The following ZNF438 variants were observed in gnomAD, a reference collection of about 807,000 sequenced individuals.
The protein encoded by ZNF438 is zinc finger protein 438.
In ZNF438, 25 loss-of-function variants were observed where a neutral mutation model predicts 38.0. That is an observed-to-expected ratio of 0.66 (90% CI 0.48 to 0.92). The LOEUF (loss-of-function observed/expected upper bound fraction) is 0.92. Among genes scored for constraint, ZNF438 ranks in the 40% least tolerant of loss-of-function variants. The probability of loss-of-function intolerance (pLI) is 0.00; values close to 1 mark genes in which losing one functional copy is unlikely to be tolerated. For missense variants in ZNF438, 1,007 were observed against 999.6 expected (o/e 1.01, Z -0.10); for synonymous variants, 372 against 364.1 (o/e 1.02, Z -0.25).
chr10:30,942,782 G>A (rs1005718927), intron 1 of ZNF438, among the ~76,000 whole-genome samples: 2 of 152,220 alleles, frequency 1.3e-5, no homozygotes, highest in Non-Finnish European at 2.9e-5. Flanking sequence ...AGAATCATCT[G>A]TGTAGTCTTG....
chr10:30,984,911 C>T (rs1308775050), intron 1 of ZNF438, among the ~76,000 whole-genome samples: 1 of 152,000 alleles, frequency 6.6e-6, no homozygotes, highest in East Asian at 1.9e-4. Context: ...CCCAGTGTCC[C>T]ACAAATTTAC....
Position 30,987,250 on chromosome 10 carries a change from G to A in ZNF438, c.-192+44583C>T, listed in dbSNP as rs562126184. Reference sequence around the variant, plus strand: ...TGGGAGGATTGCTTGAGCTTGGGTGGTCAAGGCTGAAGTAAGCTGTGATCA... The same window carrying A: ...TGGGAGGATTGCTTGAGCTTGGGTGATCAAGGCTGAAGTAAGCTGTGATCA... On this transcript the variant is annotated intron_variant, in intron 1 of 5. Transcript: ENST00000413025. 8.6e-5 allele frequency among the ~76,000 whole-genome samples: 13 copies of A among 150,664 alleles called. No homozygotes were observed. The South Asian group carries it at 2.3e-3, about 27-fold the overall frequency.
intron 1 of ZNF438, among the ~76,000 whole-genome samples, chr10:31,009,168 G>C (rs2055422150): frequency 6.6e-6 from 1 of 152,102 alleles, no homozygotes; most frequent in Admixed American, 6.5e-5. Context: ...TCCGTTATCA[G>C]ATATATAATT....
At chr10:30,977,580 T>G (rs1405123946) in intron 1 of ZNF438, among the ~76,000 whole-genome samples, 4 of 152,066 alleles carry the variant, frequency 2.6e-5, no homozygotes, top group Non-Finnish European at 5.9e-5. Flanking sequence ...ACCATTAACC[T>G]CTCATTAGTC....
intron 1 of ZNF438, among the ~76,000 whole-genome samples, chr10:30,998,618 T>A (rs1459722481): frequency 7.4e-6 from 1 of 134,362 alleles, no homozygotes; most frequent in Non-Finnish European, 1.6e-5. Context: ...CAATAGCTAG[T>A]AATGAAGACG....
At position 30,959,526 on chromosome 10, in the gene ZNF438, CAGG is replaced by C. The variant is rs60295452; in HGVS notation, c.-191-17878_-191-17876del. Among the ~76,000 whole-genome samples the C allele has an allele frequency of 1.2e-3, 169 of 141,314 alleles. 3 individuals carry two copies. Among genetic ancestry groups the C allele is most frequent in the African/African-American group, 4.2e-3 (167 of 39,790 alleles). The allele number at this position is 141,314 out of a possible 152,430, so 92.7% of individuals were successfully genotyped here. ...GGCCGAGGTGGGCGGATCACGAGGT[CAGG>C]AGATTGAGACCATCCTGGCTAACAC... is the stretch of plus-strand genomic sequence containing the variant. On this transcript the variant is annotated intron_variant, in intron 1 of 5. Transcript: ENST00000413025.
At chr10:30,991,169 C>A (rs1209335736) in intron 1 of ZNF438, among the ~76,000 whole-genome samples, 2 of 152,164 alleles carry the variant, frequency 1.3e-5, no homozygotes, top group Non-Finnish European at 2.9e-5. Flanking sequence ...GAGCTCTAGT[C>A]CAGAAGGTCC....
intron 1 of ZNF438, among the ~76,000 whole-genome samples, chr10:30,983,124 G>A (rs2052397129): frequency 6.6e-6 from 1 of 152,114 alleles, no homozygotes; most frequent in Admixed American, 6.5e-5. Context: ...GGGCCTGCTT[G>A]GAATAACAGA....
At chr10:30,954,946 GA>G (rs1444946286) in intron 1 of ZNF438, among the ~76,000 whole-genome samples, 2 of 152,146 alleles carry the variant, frequency 1.3e-5, no homozygotes, top group East Asian at 3.8e-4. Context: ...GAGCCAGGGA[GA>G]ATCATTATCA....
chr10:30,972,256 G>A (rs544961396), intron 1 of ZNF438, among the ~76,000 whole-genome samples: 77 of 151,996 alleles, frequency 5.1e-4, no homozygotes, highest in Non-Finnish European at 8.7e-4. Flanking sequence ...AGCGTGAGCC[G>A]CCACGCCCGG....
chr10:30,932,558 C>T (rs909210617), intron 2 of ZNF438, among the ~76,000 whole-genome samples: 65 of 152,288 alleles, frequency 4.3e-4, no homozygotes, highest in African/African-American at 1.5e-3. Context: ...GGGTAATCAG[C>T]TTACCCAAGA....
At chr10:30,989,739 T>C (rs2053265824) in intron 1 of ZNF438, among the ~76,000 whole-genome samples, 1 of 152,178 alleles carries the variant, frequency 6.6e-6, no homozygotes, top group South Asian at 2.1e-4. Context: ...AAATACATAA[T>C]TGTAGGACTT....
At chr10:30,850,104 C>G in exon 5 of ZNF438, 1 of 1,614,090 alleles carries the variant, frequency 6.2e-7, no homozygotes, top group East Asian at 2.2e-5. Context: ...TGAGCTGAGG[C>G]AACATGTGGC....
intron 4 of ZNF438, among the ~76,000 whole-genome samples, chr10:30,865,698 G>A (rs10826878): frequency 1.3e-5 from 2 of 152,116 alleles, no homozygotes; most frequent in East Asian, 1.9e-4. Context: ...TTCTTTTTGC[G>A]GAAGGCTGGG....
At chr10:30,863,639 C>G (rs2035943435) in intron 4 of ZNF438, among the ~76,000 whole-genome samples, 1 of 152,210 alleles carries the variant, frequency 6.6e-6, no homozygotes, top group Admixed American at 6.5e-5. Context: ...AACTTTCCCA[C>G]CTCCCTGGAG....
Position 31,022,794 on chromosome 10 carries a change from A to G in ZNF438, c.-192+9039T>C, listed in dbSNP as rs376421583. Among the ~76,000 whole-genome samples the G allele has an allele frequency of 4.9e-4, 74 of 152,318 alleles. 2 individuals carry two copies. The highest frequency in any genetic ancestry group is 1.7e-3 in the African/African-American group (69 of 41,576). ...GCCATATTCACCTGACCTCTTGTCA[A>G]CCACCACTTCTTCAAGCATCTCGAC... On this transcript the variant is annotated intron_variant, in intron 1 of 5. Transcript: ENST00000413025.
At chr10:31,002,739 CA>C (rs2054778458) in intron 1 of ZNF438, among the ~76,000 whole-genome samples, 2 of 152,264 alleles carry the variant, frequency 1.3e-5, no homozygotes, top group Non-Finnish European at 2.9e-5. Context: ...CCTTATATAA[CA>C]ATACGGAGAA....
chr10:30,951,944 T>C (rs2048257000), intron 1 of ZNF438, among the ~76,000 whole-genome samples: 1 of 151,388 alleles, frequency 6.6e-6, no homozygotes, highest in African/African-American at 2.4e-5. Context: ...CATTGCCAAG[T>C]CAATCCTAAG....
Position 30,963,744 on chromosome 10 carries a change from G to A in ZNF438, c.-191-22093C>T, listed in dbSNP as rs530219225. 2.0e-5 allele frequency among the ~76,000 whole-genome samples: 3 copies of A among 152,042 alleles called. No individual in the cohort carries two copies. The East Asian group carries it at 5.8e-4, about 30-fold the overall frequency. On this transcript the variant is annotated intron_variant, in intron 1 of 5. Transcript: ENST00000413025. ...AAAACTACAAAAATTAGCCGGGTAC[G>A]GTGGCAGGCGCCTGTAATCCCAGCT...
Sources: gnomAD v4.1 joint callset for allele counts (sites outside exome capture counted in the v4.1 genomes callset) on GRCh38, gnomAD v4.1.1 for gene constraint, MANE v1.5 for transcripts, NCBI Gene and HGNC (gene_info 2026-07-23, HGNC 2026-07-21) for gene names.